Variants in PHTF2 observed in about 807,000 individuals in gnomAD.
PHTF2 encodes the protein protein PHTF2.
In PHTF2, 60 loss-of-function variants were observed where a neutral mutation model predicts 101.2. The ratio of observed to expected loss-of-function variants is 0.59; its 90% CI spans 0.48 to 0.73. PHTF2 has a LOEUF of 0.73. Among genes scored for constraint, PHTF2 ranks in the 30% least tolerant of loss-of-function variants. PHTF2 has a pLI of 0.00. For synonymous variants in PHTF2, 311 were observed against 307.3 expected (o/e 1.01, Z -0.13); for missense variants, 747 against 908.7 (o/e 0.82, Z 2.29).
chr7:77,800,632 A>G (rs1174831261), intron 1 of PHTF2, among the ~76,000 whole-genome samples: 3 of 152,130 alleles, frequency 2.0e-5, no homozygotes, highest in Admixed American at 6.5e-5. Context: ...CAATTTTTAA[A>G]CCATGAACTT....
At chr7:77,836,641 C>T (rs886331999) in intron 1 of PHTF2, among the ~76,000 whole-genome samples, 3 of 152,112 alleles carry the variant, frequency 2.0e-5, no homozygotes, top group Non-Finnish European at 4.4e-5. Context: ...GAATACTATG[C>T]AGCCATAAAA....
At chr7:77,815,847 C>G (rs767652979) in intron 1 of PHTF2, among the ~76,000 whole-genome samples, 1 of 152,188 alleles carries the variant, frequency 6.6e-6, no homozygotes, top group Non-Finnish European at 1.5e-5. Flanking sequence ...TCTCCTTTCT[C>G]TACTATTGCT....
chr7:77,878,784 A>G (rs562681408), intron 3 of PHTF2, among the ~76,000 whole-genome samples: 46 of 152,360 alleles, frequency 3.0e-4, no homozygotes, highest in African/African-American at 1.1e-3. Flanking sequence ...GTAAGTATAA[A>G]TGAGAGATGG....
rs1246244027 is a variant in PHTF2 at position 77,949,604 on chromosome 7, CTATGTT to C, written c.1960-70_1960-65del. The C allele has an allele frequency of 1.4e-5, 10 of 733,612 alleles. No homozygotes were observed. The East Asian group carries it at 2.2e-4, about 16-fold the overall frequency. The allele number at this position is 733,612 out of a possible 1,614,324, so 45.4% of individuals were successfully genotyped here. A position where few individuals can be genotyped will look rare whatever the true frequency, so the allele number is the denominator to read the frequency against. ...ATGTAATACTAAATTTATGAACAAT[CTATGTT>C]TATTTCTTTTGAAAAGAAATTGTTT... On this transcript the variant is annotated intron_variant, in intron 16 of 19. Transcript: ENST00000416283.
exon 20 of PHTF2, chr7:77,957,024 A>G (rs1807024355): frequency 6.6e-6 from 1 of 152,228 alleles, no homozygotes; most frequent in African/African-American, 2.4e-5. Flanking sequence ...AACTATTTTC[A>G]AAGCAGAAAA....
exon 10 of PHTF2, chr7:77,920,444 A>G: frequency 6.2e-7 from 1 of 1,613,224 alleles, no homozygotes. Flanking sequence ...ACACAGGAAC[A>G]CTGAGGAATG....
intron 1 of PHTF2, among the ~76,000 whole-genome samples, chr7:77,835,855 C>T (rs1162967755): frequency 1.3e-5 from 2 of 152,014 alleles, no homozygotes; most frequent in African/African-American, 4.8e-5. Flanking sequence ...CACAGTGGCT[C>T]ACACCTGTAA....
intron 1 of PHTF2, among the ~76,000 whole-genome samples, chr7:77,837,580 GTTTTT>G (rs1171704854): frequency 6.6e-6 from 1 of 151,940 alleles, no homozygotes; most frequent in African/African-American, 2.4e-5. Context: ...CTGAAGAAAG[GTTTTT>G]TTATTTTAAA....
At chr7:77,906,934 T>TTA (rs1554379588) in intron 7 of PHTF2, among the ~76,000 whole-genome samples, 1 of 118,926 alleles carries the variant, frequency 8.4e-6, no homozygotes, top group African/African-American at 3.2e-5. Flanking sequence ...TAATGGTAGC[T>TTA]AAAAAAAAAA....
At chr7:77,836,993 A>G (rs902553833) in intron 1 of PHTF2, among the ~76,000 whole-genome samples, 6 of 151,742 alleles carry the variant, frequency 4.0e-5, no homozygotes, top group Non-Finnish European at 8.8e-5. Context: ...AAAAAAAAGA[A>G]TTTCAGATAT....
intron 12 of PHTF2, among the ~76,000 whole-genome samples, chr7:77,932,156 G>C (rs1804629702): frequency 6.6e-6 from 1 of 152,120 alleles, no homozygotes; most frequent in African/African-American, 2.4e-5. Flanking sequence ...AAACAAAGTG[G>C]TAATTAGGGA....
intron 13 of PHTF2, among the ~76,000 whole-genome samples, chr7:77,938,439 TG>T (rs1805343893): frequency 6.6e-6 from 1 of 152,208 alleles, no homozygotes; most frequent in Non-Finnish European, 1.5e-5. Flanking sequence ...ATTTTTAAAA[TG>T]TGTTGATTGG....
intron 2 of PHTF2, among the ~76,000 whole-genome samples, chr7:77,841,519 C>T (rs1795885912): frequency 6.6e-6 from 1 of 151,952 alleles, no homozygotes; most frequent in Non-Finnish European, 1.5e-5. Context: ...GGCTTGAGTG[C>T]AGTTGCACAC....
chr7:77,869,702 C>G lies in PHTF2; in HGVS notation c.147+14868C>G, dbSNP rs182979240. Among the ~76,000 whole-genome samples the G allele has an allele frequency of 8.1e-4, 124 of 152,268 alleles. 1 individual carries two copies. The highest frequency in any genetic ancestry group is 2.5e-3 in the African/African-American group (103 of 41,570). On this transcript the variant is annotated intron_variant, in intron 3 of 19. Transcript: ENST00000416283. The stretch of plus-strand genomic sequence containing the variant: ...CAACAGTGTATTAGCATTCCTCTTT[C>G]TCTAGATCTCACCAGCATATGTTAT...
chr7:77,922,651 C>T (rs1267346459), exon 11 of PHTF2: 1 of 1,610,878 alleles, frequency 6.2e-7, no homozygotes, highest in East Asian at 2.2e-5. Flanking sequence ...ACAAATGTCT[C>T]TGATGAAGTC....
At chr7:77,944,895 G>A (rs1390117188) in intron 16 of PHTF2, among the ~76,000 whole-genome samples, 1 of 152,164 alleles carries the variant, frequency 6.6e-6, no homozygotes, top group Non-Finnish European at 1.5e-5. Context: ...AAAACACAAT[G>A]AACAGAATAA....
chr7:77,857,344 A>G (rs1797265509), intron 3 of PHTF2, among the ~76,000 whole-genome samples: 1 of 152,162 alleles, frequency 6.6e-6, no homozygotes, highest in African/African-American at 2.4e-5. Context: ...ACAGGCCATC[A>G]TGGTACTCTG....
intron 8 of PHTF2, chr7:77,909,199 A>G (rs761697833): frequency 3.7e-5 from 13 of 351,764 alleles, no homozygotes; most frequent in Non-Finnish European, 6.6e-5. Flanking sequence ...AAGCTCATTT[A>G]TAGTCACCTA....
chr7:77,857,957 C>A (rs1035686291), intron 3 of PHTF2, among the ~76,000 whole-genome samples: 4 of 152,076 alleles, frequency 2.6e-5, no homozygotes, highest in Admixed American at 2.6e-4. Context: ...CTTAAAATTT[C>A]TTGTAAATGA....
Sources: gnomAD v4.1 joint callset for allele counts (sites outside exome capture counted in the v4.1 genomes callset) on GRCh38, gnomAD v4.1.1 for gene constraint, MANE v1.5 for transcripts, NCBI Gene and HGNC (gene_info 2026-07-23, HGNC 2026-07-21) for gene names.